The following ZNF197 variants were observed in gnomAD, a reference collection of about 807,000 sequenced individuals.
ZNF197 encodes the protein zinc finger protein 197, also known as VHL-associated KRAB-A domain-containing protein.
ZNF197 carries 14 observed loss-of-function variants against 27.4 expected under a neutral mutation model. The observed-to-expected ratio is 0.51, with a 90% CI of 0.34 to 0.80. The LOEUF (loss-of-function observed/expected upper bound fraction) is 0.80, where lower values mean the gene tolerates loss of function less well. Among genes scored for constraint, ZNF197 ranks in the 30% least tolerant of loss-of-function variants. The probability of loss-of-function intolerance (pLI) is 0.02; values close to 1 mark genes in which losing one functional copy is unlikely to be tolerated. For missense variants in ZNF197, 1,090 were observed against 1,222.6 expected (o/e 0.89, Z 1.62); for synonymous variants, 415 against 420.0 (o/e 0.99, Z 0.15).
intron 5 of ZNF197, among the ~76,000 whole-genome samples, chr3:44,639,412 T>A (rs1421906935): frequency 6.6e-6 from 1 of 151,990 alleles, no homozygotes; most frequent in Non-Finnish European, 1.5e-5. Context: ...TTGGTAGAAT[T>A]TGCCAGTGAA....
chr3:44,645,414 T>G lies in ZNF197; in HGVS notation c.*1194T>G. On this transcript the variant is annotated 3_prime_UTR_variant, in exon 6 of 6. Coordinates refer to ENST00000344387, the MANE Select transcript of ZNF197 (RefSeq NM_006991.5). ...TAACTGGAATTTAGTGTTCTAAGAA[T>G]AATTTTGTTAAATTTACCTTTAAAA... is the stretch of plus-strand genomic sequence containing the variant. 1 of 985,328 alleles carries G rather than the reference T, an allele frequency of 1.0e-6. No individual in the cohort carries two copies. The highest frequency in any genetic ancestry group is 1.2e-6 in the Non-Finnish European group (1 of 829,836). 61.0% of individuals were successfully genotyped at this position (985,328 alleles called of 1,614,324 possible).
chr3:44,627,051 A>G (rs1003391870), intron 1 of ZNF197, among the ~76,000 whole-genome samples: 3 of 152,208 alleles, frequency 2.0e-5, no homozygotes, highest in Non-Finnish European at 4.4e-5. Context: ...AGGAAAATGT[A>G]CCACGTCATT....
In ZNF197 at chr3:44,646,578, G is replaced by A. The variant is rs1249988426; in HGVS notation, c.*2358G>A. ...AGAACGTGGAATATTGCATAAGAAA[G>A]CTGCCCTGGATTCTTCAAAATATTA... On this transcript the variant is annotated 3_prime_UTR_variant, in exon 6 of 6. Coordinates refer to ENST00000344387, the MANE Select transcript of ZNF197 (RefSeq NM_006991.5). 1.0e-6 allele frequency: 1 copy of A among 988,812 alleles called. No individual in the cohort carries two copies. The highest frequency in any genetic ancestry group is 1.6e-6 in the Non-Finnish European group (1 of 611,134). The allele number at this position is 988,812 out of a possible 1,614,324, so 61.3% of individuals were successfully genotyped here.
At position 44,642,324 on chromosome 3, in the gene ZNF197, T is replaced by C; in HGVS notation, c.1194T>C (p.His398=). The change falls in exon 6 of 6, where the codon CAT becomes CAC. Residue 398 remains histidine, a synonymous_variant. Transcript: ENST00000344387. ...HRRIHTGEKP[H]KCKECGKGFI... ...GAATCCACACTGGTGAGAAACCTCATAAATGTAAGGAATGTGGAAAAGGCT... is the reference window on the plus strand; with the variant it reads ...GAATCCACACTGGTGAGAAACCTCACAAATGTAAGGAATGTGGAAAAGGCT... The C allele has an allele frequency of 1.2e-6, 2 of 1,614,176 alleles. No homozygotes were observed. Among genetic ancestry groups the C allele is most frequent in the Non-Finnish European group, 1.7e-6 (2 of 1,180,024 alleles).
At position 44,643,904 on chromosome 3, in the gene ZNF197, C is replaced by G. The variant is rs753252747; in HGVS notation, c.2774C>G (p.Thr925Ser). 1.7e-5 allele frequency: 28 copies of G among 1,613,850 alleles called. No individual in the cohort carries two copies. Among genetic ancestry groups the G allele is most frequent in the Non-Finnish European group, 2.4e-5 (28 of 1,179,946 alleles). The change falls in exon 6 of 6, where the codon ACT becomes AGT. Residue 925 changes from threonine to serine, a missense_variant. Coordinates refer to ENST00000344387, the MANE Select transcript of ZNF197 (RefSeq NM_006991.5). The part of the protein sequence containing the change: ...KNLVVHQRMH[T>S]GEKPYECDKC... ...CTTGTTGTACATCAGAGAATGCACA[C>G]TGGGGAAAAACCTTATGAGTGTGAC...
In ZNF197 at chr3:44,629,328, A is replaced by G; in HGVS notation, c.174A>G (p.Glu58=). ...ACCATGAGACATCTGGACCCCAGGA[A>G]GCCCTGAGCCGGCTCAGGGAACTCT... ...LRYHETSGPQ[E]ALSRLRELCR... is the part of the protein sequence containing the mutation. Residue 58 remains glutamate, a synonymous_variant, in exon 2 of 6, where the codon GAA becomes GAG. Coordinates refer to ENST00000344387, the MANE Select transcript of ZNF197 (RefSeq NM_006991.5). 1 of 1,614,128 alleles carries G rather than the reference A, an allele frequency of 6.2e-7. No homozygotes were observed. The highest frequency in any genetic ancestry group is 8.5e-7 in the Non-Finnish European group (1 of 1,180,018).
At chr3:44,637,960 A>G (rs1047329260) in intron 5 of ZNF197, among the ~76,000 whole-genome samples, 3 of 152,104 alleles carry the variant, frequency 2.0e-5, no homozygotes, top group African/African-American at 7.2e-5. Context: ...CTTTCCATCT[A>G]ATTTTGGTAT....
In ZNF197 at chr3:44,646,031, TTATTAATTC is replaced by T; in HGVS notation, c.*1812_*1820del. On this transcript the variant is annotated 3_prime_UTR_variant, in exon 6 of 6. Coordinates refer to ENST00000344387, the MANE Select transcript of ZNF197 (RefSeq NM_006991.5). ...AGTGGTGTGTTGATTATCATAAATG[TTATTAATTC>T]AACCCCACAGTTTCTTGGGGGCTGG... is the stretch of plus-strand genomic sequence containing the variant. 1 of 985,316 alleles carries T rather than the reference TTATTAATTC, an allele frequency of 1.0e-6. No homozygotes were observed. Among genetic ancestry groups the T allele is most frequent in the Non-Finnish European group, 1.2e-6 (1 of 829,948 alleles). 61.0% of individuals were successfully genotyped at this position (985,316 alleles called of 1,614,324 possible). A position where few individuals can be genotyped will look rare whatever the true frequency, so the allele number is the denominator to read the frequency against.
chr3:44,638,978 C>A (rs1702454879), intron 5 of ZNF197, among the ~76,000 whole-genome samples: 1 of 152,222 alleles, frequency 6.6e-6, no homozygotes, highest in Admixed American at 6.5e-5. Flanking sequence ...CTTGCCAAAG[C>A]ACTGGGATTA....
chr3:44,646,459 A>G lies in ZNF197; in HGVS notation c.*2239A>G, dbSNP rs1434000731. 3.1e-6 allele frequency: 5 copies of G among 1,613,304 alleles called. No individual in the cohort carries two copies. Among genetic ancestry groups the G allele is most frequent in the Non-Finnish European group, 4.2e-6 (5 of 1,179,632 alleles). ...ATAAGCTGAAAAATGTTCAACCTGA[A>G]TTTAATCAAGCTTCTTGGACCTCAT... is the stretch of plus-strand genomic sequence containing the variant. On this transcript the variant is annotated 3_prime_UTR_variant, in exon 6 of 6. Transcript: ENST00000344387.
In ZNF197 at chr3:44,646,291, T is replaced by C; in HGVS notation, c.*2071T>C. ...AAAATGTTTCATCCAGGTTGTTGAA[T>C]CATCCCAGCTTATATAATAATTACA... On this transcript the variant is annotated 3_prime_UTR_variant, in exon 6 of 6. Coordinates refer to ENST00000344387, the MANE Select transcript of ZNF197 (RefSeq NM_006991.5). 1 of 985,422 alleles carries C rather than the reference T, an allele frequency of 1.0e-6. No individual in the cohort carries two copies. The highest frequency in any genetic ancestry group is 1.2e-6 in the Non-Finnish European group (1 of 829,912). 61.0% of individuals were successfully genotyped at this position (985,422 alleles called of 1,614,324 possible). A position where few individuals can be genotyped will look rare whatever the true frequency, so the allele number is the denominator to read the frequency against.
In ZNF197 at chr3:44,642,759, T is replaced by C. The variant is rs1156506911; in HGVS notation, c.1629T>C (p.Cys543=). The C allele has an allele frequency of 2.5e-6, 4 of 1,613,580 alleles. No individual in the cohort carries two copies. The African/African-American group carries it at 5.3e-5, about 22-fold the overall frequency. Residue 543 remains cysteine, a synonymous_variant, in exon 6 of 6, where the codon TGT becomes TGC. Transcript: ENST00000344387. The part of the protein sequence containing the change: ...SGEKPYKCDE[C]GKTFAQTTYL... Reference sequence around the variant, plus strand: ...AAAAACCCTATAAATGTGATGAATGTGGAAAGACCTTTGCTCAGACCACTT... The same window carrying C: ...AAAAACCCTATAAATGTGATGAATGCGGAAAGACCTTTGCTCAGACCACTT...
chr3:44,636,986 T>C (rs965520174), intron 5 of ZNF197, among the ~76,000 whole-genome samples: 3 of 152,238 alleles, frequency 2.0e-5, no homozygotes, highest in African/African-American at 4.8e-5. Context: ...TATGTTCTTA[T>C]TGACTATATG....
chr3:44,631,062 GTT>G lies in ZNF197; in HGVS notation c.392_393del (p.Val131AlafsTer33), dbSNP rs1174988282. The G allele has an allele frequency of 1.2e-6, 2 of 1,613,988 alleles. No homozygotes were observed. The highest frequency in any genetic ancestry group is 3.3e-5 in the Admixed American group (2 of 60,006). On this transcript the variant is annotated frameshift_variant and splice_region_variant, in exon 3 of 6. Transcript: ENST00000344387. LOFTEE classifies it high-confidence loss of function. ...GCTAGCTTATTTTACTTGTTTCCAG[GTT>G]CCAGTCCTTGTCAAGGATCAGGACA... ...QKDLDGPAIQ[V>X]PVLVKDQDTL...
rs371807530 is a variant in ZNF197 at position 44,642,712 on chromosome 3, C to T, written c.1582C>T (p.His528Tyr). ...AFILKKSLIL[H>Y]QRIHSGEKPY... ...CATTCTGAAGAAGAGCCTCATTCTGCACCAGAGAATCCACTCTGGGGAAAA... is the reference window on the plus strand; with the variant it reads ...CATTCTGAAGAAGAGCCTCATTCTGTACCAGAGAATCCACTCTGGGGAAAA... Residue 528 changes from histidine (H) to tyrosine (Y), a missense_variant, in exon 6 of 6, where the codon CAC becomes TAC. Coordinates refer to ENST00000344387, the MANE Select transcript of ZNF197 (RefSeq NM_006991.5). 1.2e-6 allele frequency: 2 copies of T among 1,613,738 alleles called. No individual in the cohort carries two copies. Among genetic ancestry groups the T allele is most frequent in the African/African-American group, 2.7e-5 (2 of 74,886 alleles).
At chr3:44,636,182 G>A (rs1702276313) in intron 5 of ZNF197, among the ~76,000 whole-genome samples, 1 of 151,986 alleles carries the variant, frequency 6.6e-6, no homozygotes, top group South Asian at 2.1e-4. Flanking sequence ...GCAGGTGCCT[G>A]TAGTCCCAGC....
chr3:44,634,596 T>C (rs1489080640), intron 5 of ZNF197, among the ~76,000 whole-genome samples: 3 of 151,978 alleles, frequency 2.0e-5, no homozygotes, highest in African/African-American at 7.2e-5. Flanking sequence ...ACTACAGGCA[T>C]GCACCACCAG....
chr3:44,638,105 T>C (rs1226160221), intron 5 of ZNF197, among the ~76,000 whole-genome samples: 1 of 152,206 alleles, frequency 6.6e-6, no homozygotes, highest in African/African-American at 2.4e-5. Flanking sequence ...TTTCTTTCCA[T>C]TTATTTAGGC....
At position 44,644,181 on chromosome 3, in the gene ZNF197, A is replaced by G. The variant is rs1443504411; in HGVS notation, c.3051A>G (p.Gln1017=). ...IHTIEEFSWL[Q]NTNESKIEIQ... ...CCATTGAGGAATTCTCTTGGCTACA[A>G]AACACCAATGAGTCCAAGATTGAGA... The change falls in exon 6 of 6, where the codon CAA becomes CAG. Residue 1017 remains glutamine (Q), a synonymous_variant. Coordinates refer to ENST00000344387, the MANE Select transcript of ZNF197 (RefSeq NM_006991.5). 2.5e-6 allele frequency: 4 copies of G among 1,610,702 alleles called. No homozygotes were observed. The Admixed American group carries it at 5.1e-5, about 20-fold the overall frequency.
Sources: gnomAD v4.1 joint callset for allele counts (sites outside exome capture counted in the v4.1 genomes callset) on GRCh38, gnomAD v4.1.1 for gene constraint, MANE v1.5 for transcripts, NCBI Gene and HGNC (gene_info 2026-07-23, HGNC 2026-07-21) for gene names.